The following VPS26B variants were observed in gnomAD, a reference collection of about 807,000 sequenced individuals.
The protein encoded by VPS26B is VPS26 retromer complex component B, also known as vacuolar protein sorting-associated protein 26B.
Under a neutral mutation model 33.3 loss-of-function variants are expected in VPS26B, and 10 were observed. The observed-to-expected ratio is 0.30, with a 90% CI of 0.19 to 0.51. The LOEUF (loss-of-function observed/expected upper bound fraction) is 0.51, where lower values mean the gene tolerates loss of function less well. Ranked by LOEUF, VPS26B falls within the 20% of genes least tolerant of loss-of-function variation. VPS26B has a pLI of 0.98. For synonymous variants in VPS26B, 190 were observed against 176.9 expected, an observed-to-expected ratio of 1.07 and a Z score of -0.59; for missense variants, 317 against 452.7, an observed-to-expected ratio of 0.70 and a Z score of 2.72.
In VPS26B at chr11:134,245,169, A is replaced by C; in HGVS notation, c.864+89A>C. On this transcript the variant is annotated intron_variant, in intron 5 of 5. Coordinates refer to ENST00000281187, the MANE Select transcript of VPS26B (RefSeq NM_052875.5). This position sits in a 1 kb window ranked among gnomAD's most constrained non-coding sequence, Gnocchi z 4.7. The stretch of plus-strand genomic sequence containing the variant: ...TGGAAGGTCAGACTCCATTTTTGCC[A>C]AGAGGTGGGAACATTAGGTCGCCCA... 2.6e-6 allele frequency: 4 copies of C among 1,527,508 alleles called. 1 individual carries two copies. Among genetic ancestry groups the C allele is most frequent in the Non-Finnish European group, 3.5e-6 (4 of 1,139,618 alleles). 94.6% of individuals were successfully genotyped at this position (1,527,508 alleles called of 1,614,324 possible). A position where few individuals can be genotyped will look rare whatever the true frequency, so the allele number is the denominator to read the frequency against.
intron 1 of VPS26B, among the ~76,000 whole-genome samples, chr11:134,234,294 C>G (rs1565356209): frequency 6.6e-6 from 1 of 152,248 alleles, no homozygotes; most frequent in East Asian, 1.9e-4. Context: ...ACCTACATCA[C>G]CCCTGCTACT....
At position 134,246,784 on chromosome 11, in the gene VPS26B, TAG is replaced by T. The variant is rs1290250525; in HGVS notation, c.*1199_*1200del. ...ACTCTTGTGAATATTCTTGTTATGC[TAG>T]AGAGGAAGGTACTTCTCCCTCTACG... On this transcript the variant is annotated 3_prime_UTR_variant, in exon 6 of 6. Transcript: ENST00000281187. 1.3e-5 allele frequency: 2 copies of T among 152,316 alleles called. No homozygotes were observed. The highest frequency in any genetic ancestry group is 1.3e-4 in the Admixed American group (2 of 15,278). 9.4% of individuals were successfully genotyped at this position (152,316 alleles called of 1,614,324 possible).
chr11:134,225,164 CCTT>C lies in VPS26B; in HGVS notation c.45_47del (p.Leu16del), dbSNP rs1938421616. The C allele has an allele frequency of 1.9e-6, 3 of 1,613,728 alleles. No individual in the cohort carries two copies. Among genetic ancestry groups the C allele is most frequent in the Non-Finnish European group, 2.5e-6 (3 of 1,179,712 alleles). On this transcript the variant is annotated inframe_deletion, in exon 1 of 6. Coordinates refer to ENST00000281187, the MANE Select transcript of VPS26B (RefSeq NM_052875.5). ...TCGGGCAGAGCGTGGAGGTGGAAAT[CCTT>C]CTGAACGATGCAGAGAGTAGGAAGC...
rs1938785140 is a variant in VPS26B at position 134,244,782 on chromosome 11, C to A, written c.722-156C>A. On this transcript the variant is annotated intron_variant, in intron 4 of 5. Coordinates refer to ENST00000281187, the MANE Select transcript of VPS26B (RefSeq NM_052875.5). This position sits in a 1 kb window ranked among gnomAD's most constrained non-coding sequence, Gnocchi z 4.0. ...CTGGAGAGTCACATTTTTGTTTCAG[C>A]CACCTGCTGGGCAGCAGAGCGACTG... 9.6e-7 allele frequency: 1 copy of A among 1,039,106 alleles called. No homozygotes were observed. The highest frequency in any genetic ancestry group is 3.1e-5 in the Admixed American group (1 of 32,558). 64.4% of individuals were successfully genotyped at this position (1,039,106 alleles called of 1,614,324 possible).
rs745631899 is a variant in VPS26B at position 134,240,084 on chromosome 11, G to T, written c.474G>T (p.Leu158=). Reference sequence around the variant, plus strand: ...ACACACTCAGCACATACCCAGAGCTGAACTCTTCCATCAAGATGGAGGTTG... The same window carrying T: ...ACACACTCAGCACATACCCAGAGCTTAACTCTTCCATCAAGATGGAGGTTG... ...VVHTLSTYPE[L]NSSIKMEVGI... Residue 158 remains leucine, a synonymous_variant, in exon 3 of 6, where the codon CTG becomes CTT. Coordinates refer to ENST00000281187, the MANE Select transcript of VPS26B (RefSeq NM_052875.5). The surrounding 1 kb of genome is among the most constrained non-coding windows in gnomAD (Gnocchi z 4.4). 1.2e-6 allele frequency: 2 copies of T among 1,614,220 alleles called. No homozygotes were observed. Among genetic ancestry groups the T allele is most frequent in the Non-Finnish European group, 1.7e-6 (2 of 1,180,032 alleles).
At chr11:134,226,104 A>T (rs969783566) in intron 1 of VPS26B, among the ~76,000 whole-genome samples, 1 of 152,268 alleles carries the variant, frequency 6.6e-6, no homozygotes, top group Admixed American at 6.5e-5. Context: ...ATTATTAATC[A>T]TTGGAACTAG....
intron 1 of VPS26B, among the ~76,000 whole-genome samples, chr11:134,230,445 G>A (rs1361782236): frequency 1.3e-5 from 2 of 152,190 alleles, no homozygotes; most frequent in Non-Finnish European, 2.9e-5. Flanking sequence ...TTGTTTTGGT[G>A]GTTGAGCAGC....
In VPS26B at chr11:134,225,137, C is replaced by T. The variant is rs1446967007; in HGVS notation, c.15C>T (p.Gly5=). 2 of 1,609,246 alleles carry T rather than the reference C, an allele frequency of 1.2e-6. No homozygotes were observed. Among genetic ancestry groups the T allele is most frequent in the Non-Finnish European group, 1.7e-6 (2 of 1,177,088 alleles). Residue 5 remains glycine (G), a synonymous_variant, in exon 1 of 6, where the codon GGC becomes GGT. Transcript: ENST00000281187. ...CCGGCGGTGCGATGAGCTTCTTCGG[C>T]TTCGGGCAGAGCGTGGAGGTGGAAA... The part of the protein sequence containing the change: MSFF[G]FGQSVEVEIL...
intron 2 of VPS26B, among the ~76,000 whole-genome samples, chr11:134,238,063 G>A (rs1243859506): frequency 6.6e-6 from 1 of 152,154 alleles, no homozygotes; most frequent in Non-Finnish European, 1.5e-5. Context: ...TCCAGATGCC[G>A]GACCAAGGCT....
Position 134,245,588 on chromosome 11 carries a change from T to G in VPS26B, c.1009T>G (p.Ter337GluextTer29). Residue 337 changes from the stop codon to glutamate, a stop_lost, in exon 6 of 6, where the codon TAG (stop) becomes GAG (glutamate). Coordinates refer to ENST00000281187, the MANE Select transcript of VPS26B (RefSeq NM_052875.5). The surrounding 1 kb of genome is among the most constrained non-coding windows in gnomAD (Gnocchi z 4.7). ...SQLSDNNCRQ[*>E] is the part of the protein sequence containing the mutation. Reference sequence around the variant, plus strand: ...GCTGTCTGACAACAACTGCAGGCAGTAGGCCCCCAGGGCCGAGAAGATGCT... The same window carrying G: ...GCTGTCTGACAACAACTGCAGGCAGGAGGCCCCCAGGGCCGAGAAGATGCT... 6.2e-7 allele frequency: 1 copy of G among 1,608,640 alleles called. No homozygotes were observed. Among genetic ancestry groups the G allele is most frequent in the African/African-American group, 1.3e-5 (1 of 74,980 alleles).
intron 1 of VPS26B, among the ~76,000 whole-genome samples, chr11:134,232,062 C>T (rs949538059): frequency 2.6e-5 from 4 of 152,304 alleles, no homozygotes; most frequent in South Asian, 4.1e-4. Flanking sequence ...ATGAAAACAT[C>T]CTGAGTACAA....
rs951721207 is a variant in VPS26B at position 134,244,301 on chromosome 11, G to A, written c.722-637G>A. On this transcript the variant is annotated intron_variant, in intron 4 of 5. Coordinates refer to ENST00000281187, the MANE Select transcript of VPS26B (RefSeq NM_052875.5). The surrounding 1 kb of genome is among the most constrained non-coding windows in gnomAD (Gnocchi z 4.0). The stretch of plus-strand genomic sequence containing the variant: ...TTTGGCCTTTCTTGGTAGAATTACT[G>A]CCCTAATTTTGTTCCACTGATACTA... The A allele has an allele frequency of 2.0e-5, 3 of 152,190 alleles. No individual in the cohort carries two copies. Among genetic ancestry groups the A allele is most frequent in the Admixed American group, 6.5e-5 (1 of 15,284 alleles). 9.4% of individuals were successfully genotyped at this position (152,190 alleles called of 1,614,324 possible).
chr11:134,234,760 A>AG lies in VPS26B; in HGVS notation c.224-135dup. On this transcript the variant is annotated intron_variant, in intron 1 of 5. Transcript: ENST00000281187. ...TGAAAGAGCAGAGGTCAAGAAAACA[A>AG]GGCTAGAAGGGGTCTGTTCTGCAGG... is the stretch of plus-strand genomic sequence containing the variant. 4.0e-6 allele frequency: 4 copies of AG among 1,008,750 alleles called. No individual in the cohort carries two copies. In the Middle Eastern group the frequency reaches 8.9e-4, roughly 223 times the overall value. 62.5% of individuals were successfully genotyped at this position (1,008,750 alleles called of 1,614,324 possible).
In VPS26B at chr11:134,245,587, G is replaced by GT; in HGVS notation, c.1009dup (p.Ter337LeufsTer34). The GT allele has an allele frequency of 6.2e-7, 1 of 1,609,028 alleles. No individual in the cohort carries two copies. Among genetic ancestry groups the GT allele is most frequent in the Non-Finnish European group, 8.5e-7 (1 of 1,179,064 alleles). On this transcript the variant is annotated frameshift_variant, in exon 6 of 6. Transcript: ENST00000281187. LOFTEE classifies it high-confidence loss of function. This position sits in a 1 kb window ranked among gnomAD's most constrained non-coding sequence, Gnocchi z 4.7. ...AGCTGTCTGACAACAACTGCAGGCA[G>GT]TAGGCCCCCAGGGCCGAGAAGATGC... is the stretch of plus-strand genomic sequence containing the variant.
At position 134,244,924 on chromosome 11, in the gene VPS26B, C is replaced by T; in HGVS notation, c.722-14C>T. The T allele has an allele frequency of 6.2e-7, 1 of 1,610,558 alleles. No individual in the cohort carries two copies. The highest frequency in any genetic ancestry group is 8.5e-7 in the Non-Finnish European group (1 of 1,179,588). ...ACCTTGCCCCCTGTGCTGACTCCTG[C>T]CCTCCCCCTACAGGAGAGTCCATCC... On this transcript the variant is annotated splice_polypyrimidine_tract_variant and intron_variant, in intron 4 of 5. Transcript: ENST00000281187. The surrounding 1 kb of genome is among the most constrained non-coding windows in gnomAD (Gnocchi z 4.0).
intron 3 of VPS26B, among the ~76,000 whole-genome samples, chr11:134,242,645 C>T (rs1253254410): frequency 6.6e-6 from 1 of 152,270 alleles, no homozygotes; most frequent in Non-Finnish European, 1.5e-5. Flanking sequence ...GCTCTTCTCA[C>T]TCTACTGCTG....
Position 134,245,077 on chromosome 11 carries a change from G to A in VPS26B, c.861G>A (p.Gln287=). 6.2e-7 allele frequency: 1 copy of A among 1,613,908 alleles called. No homozygotes were observed. Among genetic ancestry groups the A allele is most frequent in the Non-Finnish European group, 8.5e-7 (1 of 1,179,970 alleles). Residue 287 remains glutamine (Q), a synonymous_variant, in exon 5 of 6, where the codon CAG becomes CAA. Coordinates refer to ENST00000281187, the MANE Select transcript of VPS26B (RefSeq NM_052875.5). The surrounding 1 kb of genome is among the most constrained non-coding windows in gnomAD (Gnocchi z 4.7). The stretch of plus-strand genomic sequence containing the variant: ...AGGAGGAGCGGCGCTACTTCAAGCA[G>A]CAGGTGAGGGCCAGGCTCCTCCAGG... ...IDEEERRYFK[Q]QEVVLWRKGD...
rs1938715562 is a variant in VPS26B at position 134,240,913 on chromosome 11, A to G, written c.545+758A>G. Among the ~76,000 whole-genome samples, 1 of 151,726 alleles carries G rather than the reference A, an allele frequency of 6.6e-6. No individual in the cohort carries two copies. Among genetic ancestry groups the G allele is most frequent in the African/African-American group, 2.4e-5 (1 of 41,280 alleles). On this transcript the variant is annotated intron_variant, in intron 3 of 5. Transcript: ENST00000281187. The surrounding 1 kb of genome is among the most constrained non-coding windows in gnomAD (Gnocchi z 4.4). ...TGCCTTGGCTTCCCACAGCGCTGGG[A>G]CTACAGGCATGAGCCACCATGCCCA...
In VPS26B at chr11:134,244,646, AC is replaced by A. The variant is rs1938782740; in HGVS notation, c.722-291del. 1.0e-5 allele frequency: 3 copies of A among 293,876 alleles called. No homozygotes were observed. Among genetic ancestry groups the A allele is most frequent in the African/African-American group, 2.2e-5 (1 of 45,718 alleles). 18.2% of individuals were successfully genotyped at this position (293,876 alleles called of 1,614,324 possible). A position where few individuals can be genotyped will look rare whatever the true frequency, so the allele number is the denominator to read the frequency against. ...TTTTGAAAACCCCAAAACTAAACAC[AC>A]TGCATGTAATCAAAAGATGCTTATA... On this transcript the variant is annotated intron_variant, in intron 4 of 5. Coordinates refer to ENST00000281187, the MANE Select transcript of VPS26B (RefSeq NM_052875.5). This position sits in a 1 kb window ranked among gnomAD's most constrained non-coding sequence, Gnocchi z 4.0.
Sources: allele counts gnomAD v4.1 joint callset (sites outside exome capture counted in the v4.1 genomes callset), GRCh38; gene constraint gnomAD v4.1.1; non-coding constraint Gnocchi (gnomAD v3.1); transcripts MANE v1.5; gene names NCBI Gene and HGNC (gene_info 2026-07-23, HGNC 2026-07-21).